ZNF385D: variants seen among roughly 807,000 people sequenced by gnomAD.
The protein encoded by ZNF385D is zinc finger protein 385D, also known as zinc finger protein 659.
In ZNF385D, 15 loss-of-function variants were observed where a neutral mutation model predicts 35.8. That is an observed-to-expected ratio of 0.42 (90% CI 0.28 to 0.64). The LOEUF (loss-of-function observed/expected upper bound fraction) is 0.64. Ranked by LOEUF, ZNF385D falls within the 30% of genes least tolerant of loss-of-function variation. The probability of loss-of-function intolerance (pLI) is 0.23; values close to 1 mark genes in which losing one functional copy is unlikely to be tolerated. For missense variants in ZNF385D, 474 were observed against 494.6 expected (o/e 0.96, Z 0.39); for synonymous variants, 212 against 186.8 (o/e 1.13, Z -1.10).
rs79864909 is a variant in ZNF385D at position 21,438,896 on chromosome 3, G to A, written c.440-1693C>T. Among the ~76,000 whole-genome samples the A allele has an allele frequency of 3.7e-3, 562 of 152,170 alleles. 5 individuals are homozygous for A. Among genetic ancestry groups the A allele is most frequent in the African/African-American group, 0.012 (516 of 41,526 alleles). ...CTCCCTGATTAGTTTTTATTTGCCT[G>A]TTAATGTTCCATTATTAAAATATGA... On this transcript the variant is annotated intron_variant, in intron 4 of 7. Transcript: ENST00000281523.
chr3:21,861,360 C>T (rs1697045608), intron 3 of ZNF385D, among the ~76,000 whole-genome samples: 1 of 152,124 alleles, frequency 6.6e-6, no homozygotes, highest in African/African-American at 2.4e-5. Context: ...TCCATTGTTG[C>T]TCATAAACAT....
intron 2 of ZNF385D, among the ~76,000 whole-genome samples, chr3:21,600,815 A>C (rs541227597): frequency 2.0e-5 from 3 of 152,132 alleles, no homozygotes; most frequent in Non-Finnish European, 4.4e-5. Context: ...GAGAAATTAT[A>C]AATATGAGAG....
intron 3 of ZNF385D, among the ~76,000 whole-genome samples, chr3:21,859,289 A>C (rs1363864975): frequency 6.6e-6 from 1 of 152,052 alleles, no homozygotes; most frequent in Non-Finnish European, 1.5e-5. Flanking sequence ...CTTCTGCTTC[A>C]GGAAGAAAGC....
intron 3 of ZNF385D, among the ~76,000 whole-genome samples, chr3:22,026,946 C>T (rs1697592653): frequency 6.6e-6 from 1 of 152,190 alleles, no homozygotes; most frequent in South Asian, 2.1e-4. Context: ...ACTCCAATTT[C>T]AGCTGTTGCA....
At chr3:21,755,986 A>T (rs73822052), upstream of ZNF385D, among the ~76,000 whole-genome samples, 4,198 of 152,298 alleles carry the variant, frequency 0.028, 190 homozygotes, top group African/African-American at 0.096. Flanking sequence ...GGTAAGATGG[A>T]GCCAAATTCA....
chr3:22,261,675 G>A (rs1700639562), intron 2 of ZNF385D, among the ~76,000 whole-genome samples: 1 of 151,918 alleles, frequency 6.6e-6, no homozygotes, highest in Non-Finnish European at 1.5e-5. Flanking sequence ...GCAGAGACCT[G>A]AAGGTGGGGG....
chr3:22,155,841 A>G (rs999768261), intron 3 of ZNF385D, among the ~76,000 whole-genome samples: 6 of 152,128 alleles, frequency 3.9e-5, no homozygotes, highest in East Asian at 1.9e-4. Context: ...GTTTGTTGTT[A>G]AAAGTTTTTA....
intron 2 of ZNF385D, among the ~76,000 whole-genome samples, chr3:21,652,537 A>G (rs9832593): frequency 0.1 from 15,653 of 152,114 alleles, 875 homozygotes; most frequent in South Asian, 0.17. Context: ...GGTTTGTTAC[A>G]TATGTATACA....
At chr3:22,271,474 A>C (rs1034743727) in intron 2 of ZNF385D, among the ~76,000 whole-genome samples, 1 of 151,918 alleles carries the variant, frequency 6.6e-6, no homozygotes, top group Non-Finnish European at 1.5e-5. Flanking sequence ...AGAAAAAAAA[A>C]TAGATTTCCC....
chr3:21,572,879 G>T (rs1043461313), intron 2 of ZNF385D, among the ~76,000 whole-genome samples: 1 of 152,278 alleles, frequency 6.6e-6, no homozygotes, highest in Admixed American at 6.5e-5. Flanking sequence ...TTAGATACAT[G>T]AGGCACTGCC....
intron 3 of ZNF385D, among the ~76,000 whole-genome samples, chr3:21,805,032 T>C (rs910014703): frequency 2.6e-5 from 4 of 152,202 alleles, no homozygotes; most frequent in African/African-American, 9.6e-5. Flanking sequence ...ACCAACCTGA[T>C]AATGGTGAGA....
chr3:21,423,823 A>T, intron 7 of ZNF385D, 140 bp downstream of exon 7: 3 of 712,532 alleles, frequency 4.2e-6, no homozygotes, highest in Non-Finnish European at 6.8e-6. Flanking sequence ...TTTCCCTATG[A>T]TCTATGATAA....
intron 3 of ZNF385D, among the ~76,000 whole-genome samples, chr3:22,160,012 T>C (rs558424167): frequency 4.6e-5 from 7 of 152,146 alleles, no homozygotes; most frequent in South Asian, 2.1e-4. Context: ...GTGGGGGTAA[T>C]TGAATCATGG....
At chr3:22,278,439 G>T (rs1701544668) in intron 2 of ZNF385D, among the ~76,000 whole-genome samples, 1 of 152,012 alleles carries the variant, frequency 6.6e-6, no homozygotes, top group African/African-American at 2.4e-5. Flanking sequence ...TTTTCTGTTT[G>T]CCACTAATTG....
At chr3:21,833,106 C>T (rs1575741641) in intron 3 of ZNF385D, among the ~76,000 whole-genome samples, 1 of 152,080 alleles carries the variant, frequency 6.6e-6, no homozygotes, top group Non-Finnish European at 1.5e-5. Context: ...TTATTGAGTA[C>T]CTACTGTACC....
chr3:21,870,003 G>T (rs569986590), intron 3 of ZNF385D, among the ~76,000 whole-genome samples: 42 of 152,020 alleles, frequency 2.8e-4, no homozygotes, highest in African/African-American at 8.0e-4. Context: ...TCCCACTGTG[G>T]ATTTTTTTTT....
At chr3:21,670,519 A>G (rs2066533989) in intron 1 of ZNF385D, among the ~76,000 whole-genome samples, 1 of 151,722 alleles carries the variant, frequency 6.6e-6, no homozygotes, top group African/African-American at 2.4e-5. Context: ...CGGGCAAGAG[A>G]GGGACTCACT....
chr3:21,581,708 A>G (rs1575243584), intron 2 of ZNF385D, among the ~76,000 whole-genome samples: 1 of 152,294 alleles, frequency 6.6e-6, no homozygotes, highest in African/African-American at 2.4e-5. Flanking sequence ...TGGAGCCTTG[A>G]TGTAAATATC....
intron 4 of ZNF385D, among the ~76,000 whole-genome samples, chr3:21,460,037 T>C: frequency 6.6e-6 from 1 of 152,282 alleles, no homozygotes; most frequent in East Asian, 1.9e-4. Flanking sequence ...TCAAATTTTC[T>C]GAGTTCTCAG....
Sources: allele counts gnomAD v4.1 joint callset (sites outside exome capture counted in the v4.1 genomes callset), GRCh38; gene constraint gnomAD v4.1.1; transcripts MANE v1.5; gene names NCBI Gene and HGNC (gene_info 2026-07-23, HGNC 2026-07-21).